Variants in INPP5A observed in about 807,000 individuals in gnomAD.
INPP5A encodes the protein 43 kDa inositol polyphosphate 5-phophatase.
INPP5A carries 14 observed loss-of-function variants against 65.2 expected under a neutral mutation model. The ratio of observed to expected loss-of-function variants is 0.21; its 90% confidence interval spans 0.14 to 0.34. The LOEUF is 0.34. Among genes scored for constraint, INPP5A ranks in the 10% least tolerant of loss-of-function variants. INPP5A has a pLI of 1.00. For missense variants in INPP5A, 431 were observed against 545.6 expected, an observed-to-expected ratio of 0.79 and a Z score of 2.09; for synonymous variants, 207 against 208.3, an observed-to-expected ratio of 0.99 and a Z score of 0.05.
chr10:132,554,476 A>G (rs1033620253), intron 1 of INPP5A, among the ~76,000 whole-genome samples: 1 of 152,168 alleles, frequency 6.6e-6, no homozygotes, highest in Admixed American at 6.5e-5. Flanking sequence ...TGTTCAGGCT[A>G]CTGAGAGGCG....
intron 3 of INPP5A, among the ~76,000 whole-genome samples, chr10:132,647,125 T>G: frequency 6.6e-6 from 1 of 151,986 alleles, no homozygotes; most frequent in East Asian, 1.9e-4. Flanking sequence ...CTTTTTTTTT[T>G]TTTGTTTTGA....
chr10:132,684,798 C>T (rs1437204703), intron 4 of INPP5A, among the ~76,000 whole-genome samples: 1 of 152,208 alleles, frequency 6.6e-6, no homozygotes, highest in Non-Finnish European at 1.5e-5. Context: ...CACTGGCCCT[C>T]ACAGGGTGTG....
intron 12 of INPP5A, among the ~76,000 whole-genome samples, chr10:132,767,727 C>T (rs1260254356): frequency 2.6e-5 from 4 of 151,538 alleles, no homozygotes; most frequent in African/African-American, 9.7e-5. Context: ...CCCCGACCCT[C>T]AGCGTTCCCA....
intron 13 of INPP5A, among the ~76,000 whole-genome samples, chr10:132,778,052 G>A (rs1050166455): frequency 6.6e-6 from 1 of 152,330 alleles, no homozygotes; most frequent in Non-Finnish European, 1.5e-5. Flanking sequence ...TAACACAGGC[G>A]GTTAGCAGGA....
chr10:132,646,411 C>T (rs73383161), intron 3 of INPP5A, among the ~76,000 whole-genome samples: 44 of 152,284 alleles, frequency 2.9e-4, no homozygotes, highest in Non-Finnish European at 4.6e-4. Flanking sequence ...TGTATTCCCA[C>T]TGTACATGCC....
intron 1 of INPP5A, among the ~76,000 whole-genome samples, chr10:132,574,024 A>G (rs2786898): frequency 0.14 from 2,101 of 15,262 alleles, 2 homozygotes; most frequent in African/African-American, 0.16. Flanking sequence ...GTTGGGGTGT[A>G]CGTGCCGTGG....
chr10:132,571,114 C>T (rs1324774996), intron 1 of INPP5A, among the ~76,000 whole-genome samples: 5 of 152,390 alleles, frequency 3.3e-5, no homozygotes, highest in Admixed American at 2.6e-4. Context: ...CCCTCCTCAC[C>T]GTGGGCTCCG....
intron 1 of INPP5A, among the ~76,000 whole-genome samples, chr10:132,579,656 C>A (rs1032766589): frequency 6.6e-6 from 1 of 152,174 alleles, no homozygotes; most frequent in African/African-American, 2.4e-5. Flanking sequence ...CCCGGCCATC[C>A]TGCCCTGTCC....
chr10:132,588,241 G>A (rs578238940), intron 1 of INPP5A, among the ~76,000 whole-genome samples: 1 of 152,302 alleles, frequency 6.6e-6, no homozygotes, highest in Admixed American at 6.5e-5. Flanking sequence ...GTTCCTCTGT[G>A]TCCCCGTTTT....
intron 2 of INPP5A, among the ~76,000 whole-genome samples, chr10:132,611,583 A>C (rs1235367845): frequency 1.7e-5 from 2 of 115,050 alleles, no homozygotes; most frequent in South Asian, 3.2e-4. Flanking sequence ...AGGCCCTGTC[A>C]GGGGAGGGTG....
intron 2 of INPP5A, among the ~76,000 whole-genome samples, chr10:132,640,973 A>G (rs904322959): frequency 6.6e-6 from 1 of 152,170 alleles, no homozygotes; most frequent in Non-Finnish European, 1.5e-5. Context: ...ATGCTCTGCC[A>G]TGGCGTTACA....
rs1250412292 is a variant in INPP5A at position 132,706,184 on chromosome 10, T to C, written c.475-2129T>C. On this transcript the variant is annotated intron_variant, in intron 6 of 15. Coordinates refer to ENST00000368594, the MANE Select transcript of INPP5A (RefSeq NM_005539.5). The surrounding 1 kb of genome is among the most constrained non-coding windows in gnomAD (Gnocchi z 4.7). ...TGTCATTAAGGAGTTCATCTAAACA[T>C]AGTCAAGACGGACAAAGATTTGTGT... 6.6e-6 allele frequency among the ~76,000 whole-genome samples: 1 copy of C among 152,244 alleles called. No homozygotes were observed. The highest frequency in any genetic ancestry group is 2.4e-5 in the African/African-American group (1 of 41,474).
Position 132,781,879 on chromosome 10 carries a change from C to G in INPP5A, c.1177C>G (p.Arg393Gly), listed in dbSNP as rs201882680. The G allele has an allele frequency of 6.2e-7, 1 of 1,613,698 alleles. No homozygotes were observed. Among genetic ancestry groups the G allele is most frequent in the African/African-American group, 1.3e-5 (1 of 74,936 alleles). ...GDHKPVFLAF[R>G]IMPGAGKPHA... ...GCTGCAGCCCGTGTTCCTGGCCTTC[C>G]GAATCATGCCCGGGGCAGGTAAACC... is the stretch of plus-strand genomic sequence containing the variant. The change falls in exon 15 of 16, where the codon CGA becomes GGA. Residue 393 changes from arginine (R) to glycine (G), a missense_variant. By Grantham distance (125) the Arg-to-Gly change is moderately radical (BLOSUM62 -2). Transcript: ENST00000368594.
chr10:132,692,802 C>T (rs1041566287), intron 5 of INPP5A, among the ~76,000 whole-genome samples: 2 of 152,156 alleles, frequency 1.3e-5, no homozygotes, highest in African/African-American at 4.8e-5. Context: ...AAAAGAAGCT[C>T]TTCAACGGAA....
chr10:132,708,530 C>A (rs112438950), intron 7 of INPP5A, 165 bp downstream of exon 7: 2 of 775,462 alleles, frequency 2.6e-6, no homozygotes, highest in Middle Eastern at 2.3e-4. Context: ...TGGTTCACGG[C>A]GATGCATTCG....
intron 3 of INPP5A, among the ~76,000 whole-genome samples, chr10:132,646,837 C>T (rs904852650): frequency 4.6e-5 from 7 of 152,286 alleles, no homozygotes; most frequent in South Asian, 2.1e-4. Context: ...GCTGCTGCCA[C>T]GCTCTGTGGG....
chr10:132,658,539 G>A (rs1008494671), intron 4 of INPP5A, among the ~76,000 whole-genome samples: 6 of 152,176 alleles, frequency 3.9e-5, no homozygotes, highest in East Asian at 1.9e-4. Flanking sequence ...GGTCGGCTCC[G>A]TGCGTTCTGA....
At chr10:132,681,482 G>A (rs931174066) in intron 4 of INPP5A, among the ~76,000 whole-genome samples, 13 of 152,156 alleles carry the variant, frequency 8.5e-5, no homozygotes, top group Non-Finnish European at 1.3e-4. Flanking sequence ...ACATCAGAAG[G>A]AACAAACCCC....
intron 8 of INPP5A, among the ~76,000 whole-genome samples, chr10:132,719,470 C>T (rs1398254746): frequency 4.8e-5 from 7 of 146,624 alleles, no homozygotes; most frequent in Admixed American, 6.7e-5. Context: ...GCACCTTAGA[C>T]GGCTGTCTTG....
Sources: gnomAD v4.1 joint callset for allele counts (sites outside exome capture counted in the v4.1 genomes callset) on GRCh38, gnomAD v4.1.1 for gene constraint, Gnocchi (gnomAD v3.1) non-coding constraint, MANE v1.5 for transcripts, NCBI Gene and HGNC (gene_info 2026-07-23, HGNC 2026-07-21) for gene names.